PLCE1: variants seen among roughly 807,000 people sequenced by gnomAD.
The protein encoded by PLCE1 is 1-phosphatidylinositol 4,5-bisphosphate phosphodiesterase epsilon-1.
A neutral mutation model predicts 242.8 loss-of-function variants in PLCE1; 119 were observed. The ratio of observed to expected loss-of-function variants is 0.49; its 90% CI spans 0.42 to 0.57. The LOEUF (loss-of-function observed/expected upper bound fraction) is 0.57. Among genes scored for constraint, PLCE1 ranks in the 20% least tolerant of loss-of-function variants. The pLI, the probability that PLCE1 is intolerant of heterozygous loss-of-function variation, is 0.00. For missense variants in PLCE1, 2,441 were observed against 2,788.8 expected (o/e 0.88, Z 2.81); for synonymous variants, 945 against 1,017.4 (o/e 0.93, Z 1.35).
chr10:94,284,300 A>G (rs748924519), intron 21 of PLCE1, among the ~76,000 whole-genome samples: 3 of 152,216 alleles, frequency 2.0e-5, no homozygotes, highest in Non-Finnish European at 4.4e-5. Context: ...TAAACAGACA[A>G]AAACAGAACA....
intron 17 of PLCE1, 89 bp from the exon 18 acceptor site, chr10:94,270,397 T>C: frequency 1.2e-6 from 1 of 868,672 alleles, no homozygotes; most frequent in Non-Finnish European, 2.0e-6. Context: ...CATGTAACAA[T>C]TGAGATGCTT....
intron 16 of PLCE1, 66 bp downstream of exon 16, chr10:94,266,024 C>A (rs1441779559): frequency 4.7e-6 from 7 of 1,486,232 alleles, no homozygotes; most frequent in African/African-American, 2.8e-5. Context: ...CCCCCAAAGT[C>A]AAAAAAACCT....
intron 2 of PLCE1, among the ~76,000 whole-genome samples, chr10:94,074,397 G>T (rs1255719464): frequency 6.6e-6 from 1 of 151,704 alleles, no homozygotes; most frequent in Non-Finnish European, 1.5e-5. Flanking sequence ...TAGAGACAGG[G>T]TCTCCCTATG....
chr10:94,170,610 A>G (rs1217694720), intron 3 of PLCE1, among the ~76,000 whole-genome samples: 2 of 152,168 alleles, frequency 1.3e-5, no homozygotes, highest in African/African-American at 4.8e-5. Flanking sequence ...TGTTCTTGCA[A>G]ACTCCCAAAT....
intron 4 of PLCE1, among the ~76,000 whole-genome samples, chr10:94,177,880 T>C (rs2048173942): frequency 6.6e-6 from 1 of 152,210 alleles, no homozygotes; most frequent in Non-Finnish European, 1.5e-5. Flanking sequence ...TTGCAGGGCA[T>C]CCTTCCTCCC....
At chr10:94,027,555 C>T (rs1037461049) in intron 1 of PLCE1, among the ~76,000 whole-genome samples, 3 of 152,204 alleles carry the variant, frequency 2.0e-5, no homozygotes, top group Non-Finnish European at 4.4e-5. Flanking sequence ...GGCTTGGTGG[C>T]TCATGCCTGT....
intron 4 of PLCE1, among the ~76,000 whole-genome samples, chr10:94,207,557 A>G (rs2049200223): frequency 7.1e-6 from 1 of 141,158 alleles, no homozygotes; most frequent in Non-Finnish European, 1.5e-5. Context: ...GTGTGTGTAT[A>G]GACTTTTTTT....
At chr10:94,006,284 TATC>T (rs1370233652) in intron 1 of PLCE1, among the ~76,000 whole-genome samples, 1 of 152,232 alleles carries the variant, frequency 6.6e-6, no homozygotes, top group African/African-American at 2.4e-5. Flanking sequence ...TGACATGTAA[TATC>T]ATCTGTTATT....
intron 7 of PLCE1, among the ~76,000 whole-genome samples, chr10:94,241,804 A>T (rs962040484): frequency 2.0e-5 from 3 of 151,830 alleles, no homozygotes; most frequent in African/African-American, 7.3e-5. Context: ...AAAAAAAAAA[A>T]AAAGCCCCTC....
At chr10:94,122,561 C>A (rs1345901903) in intron 2 of PLCE1, among the ~76,000 whole-genome samples, 1 of 152,176 alleles carries the variant, frequency 6.6e-6, no homozygotes, top group Non-Finnish European at 1.5e-5. Flanking sequence ...GCTCCTTCAT[C>A]CAGCTAGCAT....
chr10:94,100,221 G>T (rs1333031101), intron 2 of PLCE1: 1 of 152,126 alleles, frequency 6.6e-6, no homozygotes, highest in Non-Finnish European at 1.5e-5. Context: ...AAAGACCCAG[G>T]GCAGAAACCA....
At chr10:94,005,050 T>C (rs1050792280) in intron 1 of PLCE1, among the ~76,000 whole-genome samples, 31 of 152,244 alleles carry the variant, frequency 2.0e-4, no homozygotes, top group African/African-American at 7.5e-4. Context: ...GGAAAGAGAC[T>C]TCTGTTGCTG....
intron 1 of PLCE1, among the ~76,000 whole-genome samples, chr10:94,009,399 G>C (rs150178856): frequency 5.9e-4 from 90 of 152,252 alleles, no homozygotes; most frequent in African/African-American, 2.0e-3. Flanking sequence ...TCTAATATTA[G>C]AGGTCACAAT....
At chr10:94,007,396 A>G (rs1468253966) in intron 1 of PLCE1, among the ~76,000 whole-genome samples, 1 of 152,192 alleles carries the variant, frequency 6.6e-6, no homozygotes, top group African/African-American at 2.4e-5. Context: ...CTGTAACTTT[A>G]GATAAGCAGT....
intron 2 of PLCE1, among the ~76,000 whole-genome samples, chr10:94,087,335 G>C (rs1282523117): frequency 7.7e-6 from 1 of 129,416 alleles, no homozygotes; most frequent in Non-Finnish European, 1.6e-5. Flanking sequence ...GGATGACAGA[G>C]CGAGACCCTG....
At chr10:94,191,506 G>A (rs2048666004) in intron 4 of PLCE1, among the ~76,000 whole-genome samples, 1 of 152,030 alleles carries the variant, frequency 6.6e-6, no homozygotes, top group Admixed American at 6.6e-5. Flanking sequence ...CCAGGTGTGG[G>A]GTACGTGCCT....
chr10:94,253,264 G>A (rs753370071), intron 9 of PLCE1, among the ~76,000 whole-genome samples: 5 of 152,148 alleles, frequency 3.3e-5, no homozygotes, highest in African/African-American at 9.7e-5. Flanking sequence ...GACAGCCTCC[G>A]GAAGCTTACA....
At chr10:94,111,434 A>G (rs2135641129) in intron 2 of PLCE1, among the ~76,000 whole-genome samples, 1 of 152,358 alleles carries the variant, frequency 6.6e-6, no homozygotes, top group Non-Finnish European at 1.5e-5. Context: ...TTGACTAGAC[A>G]TTGTGGAGCC....
At chr10:94,045,741 A>G (rs2061869073) in intron 2 of PLCE1, among the ~76,000 whole-genome samples, 1 of 152,166 alleles carries the variant, frequency 6.6e-6, no homozygotes, top group African/African-American at 2.4e-5. Flanking sequence ...GGAAGAGTTC[A>G]TGGTGGGATA....
Sources: gnomAD v4.1 joint callset for allele counts (sites outside exome capture counted in the v4.1 genomes callset) on GRCh38, gnomAD v4.1.1 for gene constraint, MANE v1.5 for transcripts, NCBI Gene and HGNC (gene_info 2026-07-23, HGNC 2026-07-21) for gene names.